Variants in ROBO2 observed in about 807,000 individuals in gnomAD.
ROBO2 encodes the protein roundabout homolog 2.
A neutral mutation model predicts 160.8 loss-of-function variants in ROBO2; 53 were observed. The observed-to-expected ratio is 0.33, with a 90% CI of 0.26 to 0.41. The LOEUF (loss-of-function observed/expected upper bound fraction) is 0.41. Ranked by LOEUF, ROBO2 falls within the 10% of genes least tolerant of loss-of-function variation. ROBO2 has a pLI of 1.00. For synonymous variants in ROBO2, 664 were observed against 611.7 expected (o/e 1.09, Z -1.26); for missense variants, 1,577 against 1,722.4 (o/e 0.92, Z 1.49).
At chr3:77,457,464 T>C (rs1425335196) in intron 2 of ROBO2, among the ~76,000 whole-genome samples, 2 of 151,112 alleles carry the variant, frequency 1.3e-5, no homozygotes, top group Admixed American at 6.6e-5. Context: ...AGCGAAAATT[T>C]CTATTAAGGA....
At chr3:76,131,526 TGAACCAC>T (rs2071220765) in intron 2 of ROBO2, among the ~76,000 whole-genome samples, 1 of 152,102 alleles carries the variant, frequency 6.6e-6, no homozygotes, top group South Asian at 2.1e-4. Flanking sequence ...AGCAAGAGGC[TGAACCAC>T]GGTAGGTGGT....
chr3:77,281,659 C>T (rs1461823346), intron 2 of ROBO2, among the ~76,000 whole-genome samples: 1 of 152,114 alleles, frequency 6.6e-6, no homozygotes, highest in African/African-American at 2.4e-5. Flanking sequence ...TATGTGCATC[C>T]TTCTATATAC....
At chr3:77,375,293 C>T (rs1411524662) in intron 2 of ROBO2, among the ~76,000 whole-genome samples, 1 of 152,214 alleles carries the variant, frequency 6.6e-6, no homozygotes, top group Non-Finnish European at 1.5e-5. Context: ...AACCTCTGTT[C>T]GGTTCCCAAT....
intron 2 of ROBO2, among the ~76,000 whole-genome samples, chr3:76,826,652 G>T (rs764934227): frequency 6.6e-6 from 1 of 152,012 alleles, no homozygotes; most frequent in East Asian, 1.9e-4. Context: ...TAAGGCTAAC[G>T]ATATATGACA....
chr3:77,455,413 C>T (rs991911663), intron 2 of ROBO2, among the ~76,000 whole-genome samples: 5 of 151,986 alleles, frequency 3.3e-5, no homozygotes, highest in East Asian at 3.9e-4. Flanking sequence ...AACAGAAGTC[C>T]GAAATTAAGG....
intron 2 of ROBO2, among the ~76,000 whole-genome samples, chr3:76,444,166 G>A (rs774733987): frequency 5.9e-5 from 9 of 152,102 alleles, no homozygotes; most frequent in Non-Finnish European, 1.2e-4. Flanking sequence ...TTTTAGTAGA[G>A]ACGGGGTCTC....
At chr3:76,694,157 A>C (rs1451741742) in intron 2 of ROBO2, among the ~76,000 whole-genome samples, 2 of 152,202 alleles carry the variant, frequency 1.3e-5, no homozygotes, top group Non-Finnish European at 2.9e-5. Context: ...CACTTACATC[A>C]GTCGTGCACT....
In ROBO2 at chr3:76,491,873, T is replaced by C. The variant is rs140433498; in HGVS notation, c.109+554271T>C. ...ACTTTGGGAGGCCAAGGCAGAAGGA[T>C]CACCTGGGTTCAGGAGTTCAAGACC... On this transcript the variant is annotated intron_variant, in intron 2 of 26. Transcript: ENST00000487694. 4.8e-3 allele frequency among the ~76,000 whole-genome samples: 730 copies of C among 152,232 alleles called. 7 individuals are homozygous for C. Among genetic ancestry groups the C allele is most frequent in the African/African-American group, 0.017 (702 of 41,528 alleles).
intron 5 of ROBO2, among the ~76,000 whole-genome samples, chr3:77,514,809 T>C (rs2089825795): frequency 6.6e-6 from 1 of 151,770 alleles, no homozygotes; most frequent in Non-Finnish European, 1.5e-5. Flanking sequence ...CCAATGTATC[T>C]TGAAAGAAAT....
intron 2 of ROBO2, among the ~76,000 whole-genome samples, chr3:76,934,242 T>A (rs1407708578): frequency 6.6e-6 from 1 of 151,498 alleles, no homozygotes; most frequent in Non-Finnish European, 1.5e-5. Context: ...ACTTTTTAGG[T>A]ACAAAACAAA....
Position 76,422,178 on chromosome 3 carries a change from GA to G in ROBO2, c.109+484579del. 2.0e-5 allele frequency among the ~76,000 whole-genome samples: 3 copies of G among 152,256 alleles called. No individual in the cohort carries two copies. The Middle Eastern group carries it at 0.01, about 518-fold the overall frequency. ...ATATGTATAATAATGGGATAGAAAT[GA>G]AAGAAATATATATTCAAAACAGGAC... On this transcript the variant is annotated intron_variant, in intron 2 of 26. Coordinates refer to the ROBO2 transcript ENST00000487694.
At chr3:76,634,512 G>T (rs949512436) in intron 2 of ROBO2, among the ~76,000 whole-genome samples, 96 of 151,806 alleles carry the variant, frequency 6.3e-4, no homozygotes, top group African/African-American at 2.1e-3. Context: ...GGGTTGCAGT[G>T]AGCCGAGATC....
At chr3:76,622,541 C>T (rs1181574614) in intron 2 of ROBO2, among the ~76,000 whole-genome samples, 1 of 152,128 alleles carries the variant, frequency 6.6e-6, no homozygotes, top group Non-Finnish European at 1.5e-5. Flanking sequence ...TTATCTACAA[C>T]AGGAGTCATT....
intron 2 of ROBO2, among the ~76,000 whole-genome samples, chr3:76,084,274 G>T (rs189651541): frequency 5.9e-5 from 9 of 152,252 alleles, no homozygotes; most frequent in African/African-American, 2.2e-4. Flanking sequence ...TTAGTCATAT[G>T]AAGTAAGAAA....
At chr3:77,431,125 G>T (rs1402019895) in intron 2 of ROBO2, among the ~76,000 whole-genome samples, 4 of 152,218 alleles carry the variant, frequency 2.6e-5, no homozygotes, top group African/African-American at 9.6e-5. Context: ...GACTCACAAA[G>T]TAACTGAGCA....
intron 2 of ROBO2, among the ~76,000 whole-genome samples, chr3:76,521,360 G>A (rs771018456): frequency 6.6e-6 from 1 of 151,960 alleles, no homozygotes; most frequent in Non-Finnish European, 1.5e-5. Flanking sequence ...AACAACAATT[G>A]CTCTCTGCAT....
chr3:76,693,024 A>G (rs1467523337), intron 2 of ROBO2, among the ~76,000 whole-genome samples: 3 of 146,820 alleles, frequency 2.0e-5, no homozygotes, highest in Non-Finnish European at 4.5e-5. Flanking sequence ...ACATATGTGT[A>G]TATACATACA....
chr3:76,377,465 A>C (rs1397161935), intron 2 of ROBO2, among the ~76,000 whole-genome samples: 1 of 152,140 alleles, frequency 6.6e-6, no homozygotes, highest in African/African-American at 2.4e-5. Flanking sequence ...GGGCTTCTGA[A>C]ACTGTGAAAT....
chr3:76,965,062 T>C (rs1259064827), intron 2 of ROBO2, among the ~76,000 whole-genome samples: 1 of 152,226 alleles, frequency 6.6e-6, no homozygotes, highest in Non-Finnish European at 1.5e-5. Flanking sequence ...ACAACTCAAG[T>C]GCTACAAGTA....
Sources: allele counts gnomAD v4.1 joint callset (sites outside exome capture counted in the v4.1 genomes callset), GRCh38; gene constraint gnomAD v4.1.1; transcripts MANE v1.5; gene names NCBI Gene and HGNC (gene_info 2026-07-23, HGNC 2026-07-21).